The following ITPR1 variants were observed in gnomAD, a reference collection of about 807,000 sequenced individuals.
ITPR1 encodes the protein inositol 1,4,5-trisphosphate receptor type 1.
In ITPR1, 96 loss-of-function variants were observed where a neutral mutation model predicts 318.4. The observed-to-expected ratio is 0.30, with a 90% CI of 0.26 to 0.36. The LOEUF (loss-of-function observed/expected upper bound fraction) is 0.36. Ranked by LOEUF, ITPR1 falls within the 10% of genes least tolerant of loss-of-function variation. The pLI, the probability that ITPR1 is intolerant of heterozygous loss-of-function variation, is 1.00. For missense variants in ITPR1, 2,440 were observed against 3,460.2 expected, an observed-to-expected ratio of 0.71 and a Z score of 7.40; for synonymous variants, 1,312 against 1,289.9, an observed-to-expected ratio of 1.02 and a Z score of -0.37.
chr3:4,582,462 C>T (rs1339842828), intron 4 of ITPR1, among the ~76,000 whole-genome samples: 1 of 152,162 alleles, frequency 6.6e-6, no homozygotes, highest in Non-Finnish European at 1.5e-5. Context: ...CATGTGTATG[C>T]ACTCAGCCTG....
At chr3:4,525,003 T>C (rs143780653) in intron 4 of ITPR1, among the ~76,000 whole-genome samples, 1 of 152,342 alleles carries the variant, frequency 6.6e-6, no homozygotes, top group East Asian at 1.9e-4. Flanking sequence ...TATTCTTTTC[T>C]TTGTATTCCC....
chr3:4,701,541 G>A (rs1304321684), intron 35 of ITPR1, among the ~76,000 whole-genome samples: 1 of 152,190 alleles, frequency 6.6e-6, no homozygotes, highest in Non-Finnish European at 1.5e-5. Flanking sequence ...GCAGGCAATA[G>A]GACAGAAAGT....
intron 40 of ITPR1, among the ~76,000 whole-genome samples, chr3:4,719,163 T>C (rs143392612): frequency 3.3e-5 from 5 of 152,330 alleles, no homozygotes; most frequent in African/African-American, 4.8e-5. Flanking sequence ...TTTGTAATTA[T>C]ACTCTAGGAA....
chr3:4,756,278 G>A (rs919576527), intron 44 of ITPR1, among the ~76,000 whole-genome samples: 4 of 152,228 alleles, frequency 2.6e-5, no homozygotes, highest in East Asian at 1.9e-4. Context: ...ATCTCTGCAC[G>A]TGCAGAAATT....
chr3:4,712,364 C>A (rs2041440588), intron 39 of ITPR1, among the ~76,000 whole-genome samples: 1 of 152,198 alleles, frequency 6.6e-6, no homozygotes, highest in African/African-American at 2.4e-5. Flanking sequence ...AATGGACAGT[C>A]CCGTGACCTG....
At chr3:4,775,527 C>T in intron 47 of ITPR1, 85 bp downstream of exon 47, 5 of 1,045,148 alleles carry the variant, frequency 4.8e-6, no homozygotes, top group Non-Finnish European at 7.3e-6. Context: ...AATCACGAAG[C>T]CTGTGCCTGT....
chr3:4,815,809 A>AT (rs200124446), intron 59 of ITPR1, among the ~76,000 whole-genome samples: 1 of 152,166 alleles, frequency 6.6e-6, no homozygotes, highest in Admixed American at 6.5e-5. Flanking sequence ...CTAAAAAAAA[A>AT]GATCAGTTTC....
chr3:4,684,435 A>G (rs2094355125), intron 29 of ITPR1, 89 bp downstream of exon 29: 1 of 925,502 alleles, frequency 1.1e-6, no homozygotes. Context: ...AGGTACACAC[A>G]TTTGAGCTTT....
chr3:4,619,255 G>A (rs1225615160), intron 4 of ITPR1, among the ~76,000 whole-genome samples: 1 of 152,060 alleles, frequency 6.6e-6, no homozygotes, highest in Non-Finnish European at 1.5e-5. Flanking sequence ...ATTTTCTTAT[G>A]CTGGGGAATT....
chr3:4,657,300 G>T (rs888842157), intron 12 of ITPR1, among the ~76,000 whole-genome samples: 5 of 151,766 alleles, frequency 3.3e-5, no homozygotes, highest in African/African-American at 4.9e-5. Flanking sequence ...CACTGTAGAT[G>T]AATCCAGCTG....
intron 4 of ITPR1, among the ~76,000 whole-genome samples, chr3:4,625,360 A>G (rs183261882): frequency 1.3e-5 from 2 of 152,026 alleles, no homozygotes; most frequent in East Asian, 1.9e-4. Context: ...CTGCAAATCC[A>G]TTTTTCTTAT....
At chr3:4,753,807 C>T (rs1300320274) in intron 44 of ITPR1, among the ~76,000 whole-genome samples, 1 of 152,054 alleles carries the variant, frequency 6.6e-6, no homozygotes, top group Non-Finnish European at 1.5e-5. Context: ...GTGTAGACAC[C>T]CTGCCGGTAC....
chr3:4,606,450 A>C (rs1383693880), intron 4 of ITPR1, among the ~76,000 whole-genome samples: 1 of 152,160 alleles, frequency 6.6e-6, no homozygotes, highest in Admixed American at 6.5e-5. Flanking sequence ...TACCAAGGTT[A>C]AGGTGATGCC....
intron 2 of ITPR1, among the ~76,000 whole-genome samples, chr3:4,504,184 C>T (rs931539043): frequency 3.3e-5 from 5 of 152,122 alleles, no homozygotes; most frequent in South Asian, 4.1e-4. Flanking sequence ...AATGTCAGTG[C>T]GGGCATCTTT....
intron 4 of ITPR1, among the ~76,000 whole-genome samples, chr3:4,521,927 C>T (rs1302924592): frequency 6.6e-6 from 1 of 152,240 alleles, no homozygotes; most frequent in Non-Finnish European, 1.5e-5. Flanking sequence ...GCTTTTCTAC[C>T]CAAATTAGTT....
At chr3:4,673,493 T>A in intron 21 of ITPR1, 106 bp downstream of exon 21, 1 of 1,178,918 alleles carries the variant, frequency 8.5e-7, no homozygotes. Flanking sequence ...GTTGGTTTTT[T>A]CTTCAAGCTT....
chr3:4,629,717 C>A (rs1310423966), intron 5 of ITPR1, among the ~76,000 whole-genome samples: 2 of 152,220 alleles, frequency 1.3e-5, no homozygotes, highest in Non-Finnish European at 2.9e-5. Flanking sequence ...TACTATATTA[C>A]AGGACAAACC....
At chr3:4,562,198 A>C (rs2086749905) in intron 4 of ITPR1, among the ~76,000 whole-genome samples, 4 of 152,182 alleles carry the variant, frequency 2.6e-5, no homozygotes, top group Admixed American at 2.6e-4. Context: ...CGTGGGTTGG[A>C]CAAGCCTGCT....
intron 40 of ITPR1, among the ~76,000 whole-genome samples, chr3:4,723,789 A>C (rs575512217): frequency 1.3e-5 from 2 of 152,200 alleles, no homozygotes; most frequent in South Asian, 4.1e-4. Context: ...ATATTGGATC[A>C]GTATAAAGGA....
Sources: gnomAD v4.1 joint callset for allele counts (sites outside exome capture counted in the v4.1 genomes callset) on GRCh38, gnomAD v4.1.1 for gene constraint, MANE v1.5 for transcripts, NCBI Gene and HGNC (gene_info 2026-07-23, HGNC 2026-07-21) for gene names.